VRK2: variants seen among roughly 807,000 people sequenced by gnomAD.
VRK2 encodes the protein serine/threonine-protein kinase VRK2.
A neutral mutation model predicts 57.6 loss-of-function variants in VRK2; 60 were observed. That is an observed-to-expected ratio of 1.04 (90% confidence interval 0.85 to 1.29). The LOEUF is 1.29. Ranked by LOEUF, VRK2 falls within the 50% of genes most tolerant of loss-of-function variation. The probability of loss-of-function intolerance (pLI) is 0.00; values close to 1 mark genes in which losing one functional copy is unlikely to be tolerated. For missense variants in VRK2, 705 were observed against 588.1 expected, an observed-to-expected ratio of 1.20 and a Z score of -2.06; for synonymous variants, 231 against 199.2, an observed-to-expected ratio of 1.16 and a Z score of -1.35.
intron 12 of VRK2, among the ~76,000 whole-genome samples, chr2:58,155,508 AG>A (rs1351642112): frequency 2.6e-5 from 4 of 152,028 alleles, no homozygotes; most frequent in Admixed American, 6.5e-5. Flanking sequence ...GTGGGAAGGA[AG>A]GGGGACCACC....
intron 7 of VRK2, among the ~76,000 whole-genome samples, chr2:58,109,739 T>G (rs376480887): frequency 6.6e-6 from 1 of 152,168 alleles, no homozygotes; most frequent in South Asian, 2.1e-4. Flanking sequence ...ACAATTCAGA[T>G]TACAATTCAA....
At chr2:58,129,927 A>G (rs1157129465) in intron 8 of VRK2, among the ~76,000 whole-genome samples, 2 of 152,110 alleles carry the variant, frequency 1.3e-5, no homozygotes, top group East Asian at 1.9e-4. Flanking sequence ...ACCGATGTGC[A>G]AAAAAGAAAA....
intron 1 of VRK2, among the ~76,000 whole-genome samples, chr2:57,999,156 C>T (rs1673012532): frequency 6.6e-6 from 1 of 152,118 alleles, no homozygotes; most frequent in African/African-American, 2.4e-5. Context: ...AGCCAAACAC[C>T]TCCATCTTAA....
At chr2:57,958,725 T>G (rs1671664805) in intron 1 of VRK2, among the ~76,000 whole-genome samples, 1 of 152,152 alleles carries the variant, frequency 6.6e-6, no homozygotes, top group East Asian at 1.9e-4. Context: ...AGAATAAAAT[T>G]TTTTAATGTA....
Position 58,058,461 on chromosome 2 carries a change from C to A in VRK2, c.136+9494C>A, listed in dbSNP as rs1030246779. 97 of 467,856 alleles carry A rather than the reference C, an allele frequency of 2.1e-4. 2 individuals are homozygous for A. The highest frequency in any genetic ancestry group is 1.3e-3 in the South Asian group (81 of 63,908). The allele number at this position is 467,856 out of a possible 1,614,324, so 29.0% of individuals were successfully genotyped here. On this transcript the variant is annotated intron_variant, in intron 2 of 12. Transcript: ENST00000340157. ...GAAGCTTCGACATGTGTGAAAGAGG[C>A]GCATAGAGAACATAGCTTCCATTTC... is the stretch of plus-strand genomic sequence containing the variant.
At chr2:58,126,771 A>G (rs1333957113) in intron 8 of VRK2, among the ~76,000 whole-genome samples, 10 of 152,084 alleles carry the variant, frequency 6.6e-5, no homozygotes, top group Non-Finnish European at 1.5e-4. Context: ...AAAAACTAAC[A>G]TGTATAAACA....
At chr2:58,022,942 A>C (rs1338703856) in intron 1 of VRK2, among the ~76,000 whole-genome samples, 1 of 152,232 alleles carries the variant, frequency 6.6e-6, no homozygotes, top group Non-Finnish European at 1.5e-5. Flanking sequence ...GATATTTTTA[A>C]ATAATTACAG....
rs553860061 is a variant in VRK2 at position 57,934,670 on chromosome 2, C to T, written c.-439+26831C>T. Among the ~76,000 whole-genome samples the T allele has an allele frequency of 1.6e-3, 245 of 152,254 alleles. No individual in the cohort carries two copies. The Middle Eastern group carries it at 0.02, about 13-fold the overall frequency. ...CTTTAAATAAGATTTCTGCTTCTTT[C>T]TTTCTCTTTTCTACTGAAAATTTCA... On this transcript the variant is annotated intron_variant, in intron 1 of 15. Coordinates refer to the VRK2 transcript ENST00000417641.
chr2:58,088,285 C>T lies in VRK2; in HGVS notation c.345-56C>T, dbSNP rs954134640. 8.2e-6 allele frequency: 10 copies of T among 1,223,700 alleles called. No individual in the cohort carries two copies. In the African/African-American group the frequency reaches 1.5e-4, roughly 19 times the overall value. 75.8% of individuals were successfully genotyped at this position (1,223,700 alleles called of 1,614,324 possible). ...TTTTTCTTGTTTCAAATTAAATAGA[C>T]AGTTTCAAGCATTACTTTCTCAGGA... On this transcript the variant is annotated intron_variant, in intron 5 of 12. Coordinates refer to ENST00000340157, the MANE Select transcript of VRK2 (RefSeq NM_006296.7).
At chr2:58,005,284 C>T (rs993097650) in intron 1 of VRK2, among the ~76,000 whole-genome samples, 46 of 152,042 alleles carry the variant, frequency 3.0e-4, no homozygotes, top group African/African-American at 1.1e-3. Context: ...AAATAGATTG[C>T]TTTCTTCTAA....
intron 1 of VRK2, among the ~76,000 whole-genome samples, chr2:57,947,959 C>A (rs1671311576): frequency 6.6e-6 from 1 of 152,126 alleles, no homozygotes; most frequent in African/African-American, 2.4e-5. Context: ...CATTGCTGAG[C>A]CTCTAAGTAC....
chr2:58,017,022 A>G (rs1673605653), intron 1 of VRK2, among the ~76,000 whole-genome samples: 1 of 152,222 alleles, frequency 6.6e-6, no homozygotes, highest in Non-Finnish European at 1.5e-5. Context: ...AAAAGGGGAA[A>G]AAAAAGTTTA....
chr2:57,949,924 T>A (rs947226254), intron 1 of VRK2, among the ~76,000 whole-genome samples: 1 of 152,134 alleles, frequency 6.6e-6, no homozygotes, highest in Non-Finnish European at 1.5e-5. Context: ...GTGGTCTGGA[T>A]AGAAAATCAA....
At chr2:57,950,196 C>T (rs1461655797) in intron 1 of VRK2, among the ~76,000 whole-genome samples, 1 of 152,194 alleles carries the variant, frequency 6.6e-6, no homozygotes, top group Non-Finnish European at 1.5e-5. Flanking sequence ...ATAAACAATA[C>T]ATTTTCCATG....
At position 58,033,948 on chromosome 2, in the gene VRK2, C is replaced by G. The variant is rs1465868; in HGVS notation, c.-6+395C>G. Among the ~76,000 whole-genome samples the G allele has an allele frequency of 2.2e-3, 342 of 152,110 alleles. 7 individuals are homozygous for G. Among genetic ancestry groups the G allele is most frequent in the Admixed American group, 0.02 (306 of 15,246 alleles). ...AGAATATATCTTGTCTAGATCAACT[C>G]TTTCCTTTGTCATAGAAATAAAATA... is the stretch of plus-strand genomic sequence containing the variant. On this transcript the variant is annotated intron_variant, in intron 3 of 15. Transcript: ENST00000417641.
chr2:58,138,364 C>G (rs1264310948), intron 10 of VRK2, among the ~76,000 whole-genome samples: 1 of 151,892 alleles, frequency 6.6e-6, no homozygotes, highest in Non-Finnish European at 1.5e-5. Context: ...TGACCGAATG[C>G]TAGATAACAG....
chr2:58,079,560 A>G (rs1197719758), intron 2 of VRK2, among the ~76,000 whole-genome samples: 1 of 151,768 alleles, frequency 6.6e-6, no homozygotes, highest in Non-Finnish European at 1.5e-5. Context: ...TCTCTCATTT[A>G]TTTGTTTATT....
At chr2:57,972,608 G>C (rs1672129981) in intron 1 of VRK2, among the ~76,000 whole-genome samples, 1 of 151,580 alleles carries the variant, frequency 6.6e-6, no homozygotes, top group Non-Finnish European at 1.5e-5. Flanking sequence ...AGATTCATTT[G>C]TCTCATTTTA....
chr2:57,966,242 G>A (rs1178564829), intron 1 of VRK2, among the ~76,000 whole-genome samples: 1 of 152,196 alleles, frequency 6.6e-6, no homozygotes, highest in East Asian at 1.9e-4. Flanking sequence ...GAGCCAAATG[G>A]ATGATTTGCG....
Sources: gnomAD v4.1 joint callset for allele counts (sites outside exome capture counted in the v4.1 genomes callset) on GRCh38, gnomAD v4.1.1 for gene constraint, MANE v1.5 for transcripts, NCBI Gene and HGNC (gene_info 2026-07-23, HGNC 2026-07-21) for gene names.